NTRK3: variants seen among roughly 807,000 people sequenced by gnomAD.
NTRK3 encodes neurotrophic receptor tyrosine kinase 3, also known as NT-3 growth factor receptor.
NTRK3 carries 24 observed loss-of-function variants against 91.7 expected under a neutral mutation model. The observed-to-expected ratio is 0.26, with a 90% CI of 0.19 to 0.37. The LOEUF (loss-of-function observed/expected upper bound fraction) is 0.37, where lower values mean the gene tolerates loss of function less well. Among genes scored for constraint, NTRK3 ranks in the 10% least tolerant of loss-of-function variants. The pLI is 1.00. For missense variants in NTRK3, 880 were observed against 1,068.9 expected (o/e 0.82, Z 2.46); for synonymous variants, 483 against 404.0 (o/e 1.20, Z -2.34).
intron 3 of NTRK3, among the ~76,000 whole-genome samples, chr15:88,217,627 G>A (rs1276245519): frequency 1.3e-5 from 2 of 152,158 alleles, no homozygotes; most frequent in Admixed American, 6.5e-5. Flanking sequence ...TTGTTTAATC[G>A]CATAGAGTTT....
intron 14 of NTRK3, among the ~76,000 whole-genome samples, chr15:87,986,102 A>T (rs2009853): frequency 0.25 from 37,784 of 152,204 alleles, 7,370 homozygotes; most frequent in African/African-American, 0.55. Flanking sequence ...GAATTCACTA[A>T]ATAAGGAACA....
At chr15:88,197,275 T>C (rs1390277476) in intron 3 of NTRK3, among the ~76,000 whole-genome samples, 6 of 152,154 alleles carry the variant, frequency 3.9e-5, no homozygotes, top group Non-Finnish European at 7.4e-5. Flanking sequence ...CTTCCTGATA[T>C]TGCAAGTAAC....
At chr15:88,198,294 G>A (rs563404791) in intron 3 of NTRK3, among the ~76,000 whole-genome samples, 2 of 152,168 alleles carry the variant, frequency 1.3e-5, no homozygotes, top group African/African-American at 2.4e-5. Flanking sequence ...AACCCAGCCT[G>A]CACTTTACAA....
chr15:87,917,476 T>A (rs1449407061), intron 17 of NTRK3, among the ~76,000 whole-genome samples: 4 of 152,358 alleles, frequency 2.6e-5, no homozygotes. Flanking sequence ...TGATTTGGCA[T>A]CTGCTCCGTT....
chr15:88,136,108 C>G (rs1597511795), intron 8 of NTRK3, 68 bp from the exon 9 acceptor site: 3 of 1,575,548 alleles, frequency 1.9e-6, no homozygotes, highest in African/African-American at 2.7e-5. Flanking sequence ...ACCTAATCCC[C>G]AAATACCTTT....
intron 6 of NTRK3, among the ~76,000 whole-genome samples, chr15:88,139,560 G>A (rs755829822): frequency 2.2e-4 from 34 of 152,138 alleles, no homozygotes; most frequent in Non-Finnish European, 4.3e-4. Flanking sequence ...CCCCTATGTG[G>A]TATCATCCTC....
intron 10 of NTRK3, among the ~76,000 whole-genome samples, chr15:88,132,854 G>A (rs1353187646): frequency 1.3e-5 from 2 of 152,076 alleles, no homozygotes; most frequent in African/African-American, 2.4e-5. Context: ...CTTCCCACAG[G>A]GTGACCCTAG....
In NTRK3 at chr15:88,188,525, T is replaced by C. The variant is rs573196608; in HGVS notation, c.249-4226A>G. On this transcript the variant is annotated intron_variant, in intron 3 of 18. Transcript: ENST00000394480. Reference sequence around the variant, plus strand: ...AGCACCAGGATTGAGAAATCCTGCTTTATTATATAAAGCTTCTGCCTAAGA... The same window carrying C: ...AGCACCAGGATTGAGAAATCCTGCTCTATTATATAAAGCTTCTGCCTAAGA... Among the ~76,000 whole-genome samples the C allele has an allele frequency of 2.6e-5, 4 of 152,312 alleles. No individual in the cohort carries two copies. In the South Asian group the frequency reaches 8.3e-4, roughly 32 times the overall value.
At chr15:88,192,705 C>T (rs764324753) in intron 3 of NTRK3, among the ~76,000 whole-genome samples, 1 of 152,140 alleles carries the variant, frequency 6.6e-6, no homozygotes, top group Non-Finnish European at 1.5e-5. Flanking sequence ...GTTTTGTGGG[C>T]TCCAGTCACA....
chr15:88,128,066 G>A (rs541902410), intron 11 of NTRK3, among the ~76,000 whole-genome samples: 8 of 152,128 alleles, frequency 5.3e-5, no homozygotes, highest in South Asian at 2.1e-4. Context: ...AGCCAGACAC[G>A]AGGCAAAAAT....
intron 17 of NTRK3, among the ~76,000 whole-genome samples, chr15:87,922,457 C>G (rs968597258): frequency 6.6e-6 from 1 of 152,198 alleles, no homozygotes; most frequent in African/African-American, 2.4e-5. Context: ...GTCCCTGGAT[C>G]TCTGTCTTGT....
intron 17 of NTRK3, among the ~76,000 whole-genome samples, chr15:87,883,256 A>G (rs1279098736): frequency 1.3e-5 from 2 of 149,712 alleles, no homozygotes; most frequent in African/African-American, 4.9e-5. Context: ...AATAATTTAT[A>G]TTAAATTTAT....
At chr15:87,864,301 C>T in exon 19 of NTRK3, 1 of 232,002 alleles carries the variant, frequency 4.3e-6, no homozygotes, top group Non-Finnish European at 8.5e-6. Flanking sequence ...TTGGAGGAGC[C>T]TTTACTTTGG....
At chr15:88,121,616 C>G (rs916825285) in intron 13 of NTRK3, among the ~76,000 whole-genome samples, 1 of 152,170 alleles carries the variant, frequency 6.6e-6, no homozygotes, top group Non-Finnish European at 1.5e-5. Flanking sequence ...GTTTCTGTAG[C>G]TGCAGTAAAT....
At chr15:87,908,667 G>T in intron 17 of NTRK3, 1 of 397,846 alleles carries the variant, frequency 2.5e-6, no homozygotes, top group Non-Finnish European at 4.4e-6. Context: ...CATGAGGAAA[G>T]CAGGGGGATC....
chr15:87,909,813 G>C (rs1239958072), intron 17 of NTRK3, among the ~76,000 whole-genome samples: 13 of 152,218 alleles, frequency 8.5e-5, no homozygotes. Flanking sequence ...CACACAGACG[G>C]ATGACCATGT....
Position 88,237,644 on chromosome 15 carries a change from GTC to G in NTRK3, c.248+18260_248+18261del, listed in dbSNP as rs1428705051. Among the ~76,000 whole-genome samples the G allele has an allele frequency of 6.6e-6, 1 of 152,174 alleles. No homozygotes were observed. The highest frequency in any genetic ancestry group is 1.5e-5 in the Non-Finnish European group (1 of 68,026). On this transcript the variant is annotated intron_variant, in intron 3 of 18. Coordinates refer to ENST00000394480, the Ensembl canonical transcript of NTRK3. This position sits in a 1 kb window ranked among gnomAD's most constrained non-coding sequence, Gnocchi z 4.0. ...TCAGATGTTGCACTTGCTTGCGTGT[GTC>G]CTTCCCTTTATCCACCTCTATTCCA...
chr15:87,943,108 G>C (rs566503459), intron 14 of NTRK3, among the ~76,000 whole-genome samples: 11 of 152,112 alleles, frequency 7.2e-5, no homozygotes, highest in Admixed American at 5.2e-4. Context: ...TCCTCCACCA[G>C]GGATTCCAAT....
chr15:88,089,151 G>T (rs755621698), intron 13 of NTRK3, among the ~76,000 whole-genome samples: 2 of 151,944 alleles, frequency 1.3e-5, no homozygotes, highest in Admixed American at 1.3e-4. Flanking sequence ...CGGGGGCGGT[G>T]GGGGAGAAGA....
Sources: allele counts gnomAD v4.1 joint callset (sites outside exome capture counted in the v4.1 genomes callset), GRCh38; gene constraint gnomAD v4.1.1; non-coding constraint Gnocchi (gnomAD v3.1); transcripts MANE v1.5; gene names NCBI Gene and HGNC (gene_info 2026-07-23, HGNC 2026-07-21).